CNGB1: variants seen among roughly 807,000 people sequenced by gnomAD.
The protein encoded by CNGB1 is cyclic nucleotide-gated channel beta-1.
A neutral mutation model predicts 151.7 loss-of-function variants in CNGB1; 126 were observed. The ratio of observed to expected loss-of-function variants is 0.83; its 90% CI spans 0.72 to 0.96. CNGB1 has a LOEUF of 0.96. CNGB1 is among the 40% of genes least tolerant of loss of function. The pLI is 0.00. For synonymous variants in CNGB1, 623 were observed against 635.1 expected (o/e 0.98, Z 0.29); for missense variants, 1,698 against 1,627.0 (o/e 1.04, Z -0.75).
chr16:57,930,514 G>C (rs1348533565), intron 17 of CNGB1, among the ~76,000 whole-genome samples: 1 of 145,388 alleles, frequency 6.9e-6, no homozygotes, highest in Non-Finnish European at 1.5e-5. Flanking sequence ...AGCAGGAGAG[G>C]GGAGGGAAGG....
At chr16:57,952,461 T>C (rs1961974327) in intron 12 of CNGB1, among the ~76,000 whole-genome samples, 1 of 151,244 alleles carries the variant, frequency 6.6e-6, no homozygotes, top group South Asian at 2.1e-4. Flanking sequence ...TTTTAGGTCC[T>C]ATTTAGTGCG....
chr16:57,928,729 G>C (rs76376266), intron 17 of CNGB1, among the ~76,000 whole-genome samples: 2,143 of 152,062 alleles, frequency 0.014, 76 homozygotes, highest in East Asian at 0.092. Flanking sequence ...CCGCTGCCTC[G>C]CAGGTTCAAA....
At chr16:57,914,802 C>T (rs1477974287) in intron 23 of CNGB1, among the ~76,000 whole-genome samples, 2 of 152,172 alleles carry the variant, frequency 1.3e-5, no homozygotes, top group African/African-American at 2.4e-5. Context: ...CTTGCTCCTG[C>T]GACCTAGGGC....
chr16:57,960,488 C>G lies in CNGB1; in HGVS notation c.577G>C (p.Asp193His). ...EPAVATGAAS[D>H]PAPPGRPQEM... ...CGAGCTCCCCTCCCTGTACCTGGGT[C>G]TGAGGCAGCACCTGTAGCAACTGCA... The change falls in exon 9 of 33, where the codon GAC (aspartate) becomes CAC (histidine). Residue 193 changes from aspartate (D) to histidine (H), a missense_variant. Transcript: ENST00000251102. 2 of 1,613,672 alleles carry G rather than the reference C, an allele frequency of 1.2e-6. No individual in the cohort carries two copies. Among genetic ancestry groups the G allele is most frequent in the Non-Finnish European group, 1.7e-6 (2 of 1,179,832 alleles).
intron 14 of CNGB1, among the ~76,000 whole-genome samples, 159 bp from the exon 15 acceptor site, chr16:57,940,480 C>T (rs1320712488): frequency 6.6e-6 from 1 of 152,160 alleles, no homozygotes; most frequent in Non-Finnish European, 1.5e-5. Flanking sequence ...CAGTGTCCTA[C>T]TAACAATCAC....
At chr16:57,966,628 G>C (rs1425407891) in intron 2 of CNGB1, among the ~76,000 whole-genome samples, 2 of 152,208 alleles carry the variant, frequency 1.3e-5, no homozygotes, top group African/African-American at 4.8e-5. Context: ...TAGCTACAGA[G>C]TAGATTTACA....
rs761513108 is a variant in CNGB1 at position 57,919,169 on chromosome 16, C to T, written c.1887G>A (p.Met629Ile). ...EPVEEEHYCD[M>I]LCCKFKHRPW... ...GGCGGTGTTTGAACTTGCAGCAGAG[C>T]ATGTCGCAATAGTGCTCCTCTTCCA... Residue 629 changes from methionine (M) to isoleucine (I), a missense_variant, in exon 20 of 33, where the codon ATG becomes ATA. Physicochemically the swap from Met to Ile is conservative, Grantham distance 10. Transcript: ENST00000251102. 3.1e-6 allele frequency: 5 copies of T among 1,614,102 alleles called. No individual in the cohort carries two copies. Among genetic ancestry groups the T allele is most frequent in the Non-Finnish European group, 4.2e-6 (5 of 1,180,050 alleles).
chr16:57,904,726 C>T lies in CNGB1; in HGVS notation c.2634+8G>A, dbSNP rs369567117. 542 of 1,613,854 alleles carry T rather than the reference C, an allele frequency of 3.4e-4. No individual in the cohort carries two copies. The highest frequency in any genetic ancestry group is 4.4e-4 in the Non-Finnish European group (525 of 1,180,040). Reference sequence around the variant, plus strand: ...GTGGGGTGGGAAGCTGGGCTGGTGCCCCGATACCTGTCCGATCATCACAGA... The same window carrying T: ...GTGGGGTGGGAAGCTGGGCTGGTGCTCCGATACCTGTCCGATCATCACAGA... On this transcript the variant is annotated splice_region_variant and intron_variant, in intron 26 of 32. Transcript: ENST00000251102.
chr16:57,923,219 T>TACCCCCC, intron 18 of CNGB1, 54 bp downstream of exon 18: 1 of 923,462 alleles, frequency 1.1e-6, no homozygotes, highest in East Asian at 3.3e-5. Flanking sequence ...CCCCCCCACA[T>TACCCCCC]CCCCCACCCT....
intron 16 of CNGB1, 149 bp from the exon 17 acceptor site, chr16:57,932,027 C>T: frequency 3.4e-6 from 3 of 877,730 alleles, no homozygotes; most frequent in Non-Finnish European, 5.4e-6. Flanking sequence ...AGAAAAGCTC[C>T]ATGCAGGGGG....
chr16:57,951,052 T>TCCCTCCTGGGTCTAGAGGCTCCG (rs1961936496), intron 12 of CNGB1, among the ~76,000 whole-genome samples: 1 of 152,148 alleles, frequency 6.6e-6, no homozygotes, highest in East Asian at 1.9e-4. Flanking sequence ...AGTCCTTCCC[T>TCCCTCCTGGGTCTAGAGGCTCCG]CCCTCCTGGG....
At chr16:57,968,116 T>C (rs941956997) in intron 1 of CNGB1, among the ~76,000 whole-genome samples, 3 of 152,240 alleles carry the variant, frequency 2.0e-5, no homozygotes, top group Non-Finnish European at 4.4e-5. Flanking sequence ...TTAATGTCTC[T>C]GTGCCTCAGT....
intron 31 of CNGB1, among the ~76,000 whole-genome samples, chr16:57,888,324 C>T (rs1423943917): frequency 1.3e-5 from 2 of 152,164 alleles, no homozygotes; most frequent in Non-Finnish European, 2.9e-5. Flanking sequence ...AAATGATGCT[C>T]AGAGAGGTTG....
intron 7 of CNGB1, among the ~76,000 whole-genome samples, chr16:57,961,971 T>G (rs752541852): frequency 6.6e-6 from 1 of 152,178 alleles, no homozygotes; most frequent in Admixed American, 6.5e-5. Context: ...GACTAAAAAT[T>G]GAGGGTTTTA....
At chr16:57,934,801 A>G (rs1183214587) in intron 16 of CNGB1, among the ~76,000 whole-genome samples, 2 of 152,108 alleles carry the variant, frequency 1.3e-5, no homozygotes, top group African/African-American at 4.8e-5. Context: ...TACTAAAAAT[A>G]CAAAAATTCC....
chr16:57,897,398 TG>T lies in CNGB1; in HGVS notation c.3240del (p.Arg1081GlyfsTer4). ...PESQKLLRKKARRMLRSNNKP... is the reference protein window; with the variant it reads ...PESQKLLRKKXRRMLRSNNKP... The stretch of plus-strand genomic sequence containing the variant: ...TTAAACGAAAGAAAAGTTACATACC[TG>T]GCTTTCTTCCGGAGTAACTTCTGAG... On this transcript the variant is annotated frameshift_variant and splice_region_variant, in exon 31 of 33. Coordinates refer to ENST00000251102, the MANE Select transcript of CNGB1 (RefSeq NM_001297.5). LOFTEE classifies it high-confidence loss of function. 1 of 1,614,166 alleles carries T rather than the reference TG, an allele frequency of 6.2e-7. No individual in the cohort carries two copies. The highest frequency in any genetic ancestry group is 1.1e-5 in the South Asian group (1 of 91,086).
At chr16:57,960,397 G>T in intron 9 of CNGB1, 85 bp downstream of exon 9, 2 of 1,522,004 alleles carry the variant, frequency 1.3e-6, no homozygotes, top group East Asian at 2.4e-5. Flanking sequence ...AAGGGCCTCT[G>T]GGGGATCCTC....
At chr16:57,961,175 C>T (rs59340955) in intron 7 of CNGB1, among the ~76,000 whole-genome samples, 103 of 152,348 alleles carry the variant, frequency 6.8e-4, no homozygotes, top group African/African-American at 2.1e-3. Context: ...AGGCAAGAGC[C>T]GCTTGAGGAC....
chr16:57,885,819 C>T (rs1834777353), intron 32 of CNGB1, among the ~76,000 whole-genome samples: 5 of 152,026 alleles, frequency 3.3e-5, no homozygotes, highest in Admixed American at 3.3e-4. Context: ...GTCTTAAACT[C>T]CTGACCTCAA....
Sources: allele counts gnomAD v4.1 joint callset (sites outside exome capture counted in the v4.1 genomes callset), GRCh38; gene constraint gnomAD v4.1.1; transcripts MANE v1.5; gene names NCBI Gene and HGNC (gene_info 2026-07-23, HGNC 2026-07-21).